The following DNAH12 variants were observed in gnomAD, a reference collection of about 807,000 sequenced individuals.
DNAH12 encodes the protein dynein axonemal heavy chain 12.
Under a neutral mutation model 371.5 loss-of-function variants are expected in DNAH12, and 285 were observed. The ratio of observed to expected loss-of-function variants is 0.77; its 90% confidence interval spans 0.70 to 0.85. The LOEUF is 0.85. DNAH12 is among the 40% of genes least tolerant of loss of function. The pLI, the probability that DNAH12 is intolerant of heterozygous loss-of-function variation, is 0.00. For synonymous variants in DNAH12, 1,200 were observed against 1,213.0 expected (o/e 0.99, Z 0.22); for missense variants, 3,611 against 3,689.4 (o/e 0.98, Z 0.55).
intron 63 of DNAH12, 93 bp downstream of exon 63, chr3:57,323,376 A>G: frequency 6.1e-6 from 9 of 1,470,460 alleles, no homozygotes; most frequent in South Asian, 1.5e-5. Flanking sequence ...TAAATATCAG[A>G]TTTACTAACT....
Position 57,384,896 on chromosome 3 carries a change from C to T in DNAH12, c.7793G>A (p.Cys2598Tyr), listed in dbSNP as rs2153344918. ...AATCGCCTCAGCTAGGTCACTTTCA[C>T]ACTCATTTTTCAGAGCTTGGGCTTC... ...AEEAQALKNE[C>Y]ESDLAEAIPA... Residue 2598 changes from cysteine to tyrosine, a missense_variant, in exon 49 of 74, where the codon TGT becomes TAT. Cys to Tyr is a radical substitution (Grantham distance 194). Coordinates refer to ENST00000495027, the MANE Select transcript of DNAH12 (RefSeq NM_001366028.2). 2 of 152,328 alleles carry T rather than the reference C, an allele frequency of 1.3e-5. No individual in the cohort carries two copies. Among genetic ancestry groups the T allele is most frequent in the Non-Finnish European group, 2.9e-5 (2 of 68,042 alleles). 9.4% of individuals were successfully genotyped at this position (152,328 alleles called of 1,614,324 possible).
chr3:57,496,450 T>C (rs1393054308), intron 11 of DNAH12, among the ~76,000 whole-genome samples: 2 of 151,852 alleles, frequency 1.3e-5, no homozygotes, highest in East Asian at 1.9e-4. Flanking sequence ...TGCCAAAAAA[T>C]ACTTGACAAA....
At chr3:57,450,527 A>G (rs1208210224) in intron 25 of DNAH12, among the ~76,000 whole-genome samples, 1 of 152,212 alleles carries the variant, frequency 6.6e-6, no homozygotes, top group Non-Finnish European at 1.5e-5. Context: ...TAGCCTGGGC[A>G]ACAAGAGCGA....
intron 38 of DNAH12, among the ~76,000 whole-genome samples, chr3:57,414,377 A>T (rs1167736552): frequency 6.6e-6 from 1 of 152,048 alleles, no homozygotes; most frequent in Non-Finnish European, 1.5e-5. Context: ...TTTTTTCTTC[A>T]CTGAATAATT....
At chr3:57,415,206 TA>T (rs879508073) in intron 38 of DNAH12, among the ~76,000 whole-genome samples, 3 of 150,380 alleles carry the variant, frequency 2.0e-5, no homozygotes, top group African/African-American at 4.9e-5. Context: ...TTCTCAGGCT[TA>T]AAAAAAAAAC....
intron 25 of DNAH12, among the ~76,000 whole-genome samples, chr3:57,448,769 T>A (rs188002263): frequency 1.0e-3 from 159 of 152,116 alleles, no homozygotes; most frequent in Non-Finnish European, 2.8e-4. Context: ...CACGTCCCCA[T>A]CAGATTAGTT....
chr3:57,475,620 A>C (rs1236807722), intron 13 of DNAH12, among the ~76,000 whole-genome samples: 3 of 152,204 alleles, frequency 2.0e-5, no homozygotes, highest in African/African-American at 4.8e-5. Flanking sequence ...TAACCCAAAA[A>C]AATAAATGAG....
In DNAH12 at chr3:57,452,912, A is replaced by G. The variant is rs1249266989; in HGVS notation, c.3717T>C (p.Ala1239=). The change falls in exon 25 of 74, where the codon GCT becomes GCC. Residue 1239 remains alanine, a synonymous_variant. Transcript: ENST00000495027. ...VRIINCNVKY[A]YEYLGNSPRL... is the part of the protein sequence containing the mutation. ...GAGGTGAGTTACCAAGATATTCATA[A>G]GCATATTTTACATTGCAATTAATGA... 6.4e-7 allele frequency: 1 copy of G among 1,551,456 alleles called. No homozygotes were observed. Among genetic ancestry groups the G allele is most frequent in the Admixed American group, 2.0e-5 (1 of 50,948 alleles).
intron 69 of DNAH12, among the ~76,000 whole-genome samples, chr3:57,303,406 T>C (rs962733509): frequency 2.7e-5 from 4 of 150,310 alleles, no homozygotes; most frequent in Middle Eastern, 3.4e-3. Context: ...TTTCTTTCTT[T>C]TCTTTTTCTT....
upstream of DNAH12, among the ~76,000 whole-genome samples, chr3:57,545,338 T>C (rs2069481630): frequency 6.6e-6 from 1 of 151,042 alleles, no homozygotes; most frequent in South Asian, 2.1e-4. Context: ...TTTTTTTTTT[T>C]AGTAGAGACG....
At chr3:57,353,296 T>C (rs1484855742) in intron 59 of DNAH12, among the ~76,000 whole-genome samples, 2 of 151,428 alleles carry the variant, frequency 1.3e-5, no homozygotes, top group South Asian at 2.1e-4. Flanking sequence ...TTTGGCACTT[T>C]ATTTTTTTTT....
At chr3:57,487,714 T>C (rs1427140998) in intron 12 of DNAH12, among the ~76,000 whole-genome samples, 1 of 152,118 alleles carries the variant, frequency 6.6e-6, no homozygotes, top group Non-Finnish European at 1.5e-5. Context: ...AAGAATAAAC[T>C]AGGTGAAGGA....
chr3:57,494,455 G>A (rs2153386986), intron 11 of DNAH12, among the ~76,000 whole-genome samples: 1 of 152,120 alleles, frequency 6.6e-6, no homozygotes, highest in Middle Eastern at 3.4e-3. Context: ...CCAGGTAATT[G>A]GGAGGCTAAG....
rs1336857546 is a variant in DNAH12 at position 57,508,497 on chromosome 3, C to A, written c.586G>T (p.Ala196Ser). 6.2e-7 allele frequency: 1 copy of A among 1,612,554 alleles called. No individual in the cohort carries two copies. The highest frequency in any genetic ancestry group is 8.5e-7 in the Non-Finnish European group (1 of 1,179,638). The stretch of plus-strand genomic sequence containing the variant: ...AAATTAGAGAATATTTGATTTCTTG[C>A]CTGCACATAGCTAGAATGCCAAGGA... Reference protein sequence around the residue: ...SNPWHSSYVQARNQIFSNLHI... With the variant: ...SNPWHSSYVQSRNQIFSNLHI... Residue 196 changes from alanine to serine, a missense_variant, in exon 7 of 74, where the codon GCA becomes TCA. By Grantham distance (99) the Ala-to-Ser change is moderately conservative (BLOSUM62 1). Around this residue, in one of 3 missense-constraint regions of DNAH12, gnomAD observed 1,314 missense variants for 1,398.7 expected, o/e 0.94. Transcript: ENST00000495027.
At chr3:57,333,329 C>CTTTTTTTTTTTTTTTTTTT (rs34135477) in intron 62 of DNAH12, among the ~76,000 whole-genome samples, 26 of 111,070 alleles carry the variant, frequency 2.3e-4, no homozygotes, top group African/African-American at 9.6e-4. Flanking sequence ...TTTAAGGCAA[C>CTTTTTTTTTTTTTTTTTTT]TTTTTTTTTT....
chr3:57,335,982 C>A (rs1036260484), intron 60 of DNAH12, among the ~76,000 whole-genome samples: 1 of 152,090 alleles, frequency 6.6e-6, no homozygotes, highest in Non-Finnish European at 1.5e-5. Context: ...AAACACAAGT[C>A]GTCTTCTTTT....
rs372812855 is a variant in DNAH12 at position 57,444,765 on chromosome 3, T to C, written c.4477A>G (p.Ile1493Val). The C allele has an allele frequency of 1.9e-6, 3 of 1,548,792 alleles. No homozygotes were observed. Among genetic ancestry groups the C allele is most frequent in the Non-Finnish European group, 2.6e-6 (3 of 1,146,112 alleles). ...CTAGTTATTCCATTAAATAAAGGTA[T>C]ATCATGTGATAAAAACTTTGGTTCA... Reference protein sequence around the residue: ...VNEPKFLSHDIPLFNGITSDL... With the variant: ...VNEPKFLSHDVPLFNGITSDL... The change falls in exon 29 of 74, where the codon ATA (isoleucine) becomes GTA (valine). Residue 1493 changes from isoleucine to valine, a missense_variant. This residue lies in a region of DNAH12 where 2,266 missense variants were observed against 2,236.9 expected (regional missense o/e 1.01). Coordinates refer to ENST00000495027, the MANE Select transcript of DNAH12 (RefSeq NM_001366028.2).
At chr3:57,361,444 C>CTATATATA (rs1201361123) in intron 58 of DNAH12, among the ~76,000 whole-genome samples, 8,947 of 116,394 alleles carry the variant, frequency 0.077, 449 homozygotes, top group East Asian at 0.23. Flanking sequence ...CACACACACA[C>CTATATATA]TATATATATA....
chr3:57,312,159 A>T (rs993869280), intron 66 of DNAH12, among the ~76,000 whole-genome samples: 1 of 152,184 alleles, frequency 6.6e-6, no homozygotes, highest in African/African-American at 2.4e-5. Context: ...AATTCTCTAG[A>T]ACCAAGTTGA....
Sources: gnomAD v4.1 joint callset for allele counts (sites outside exome capture counted in the v4.1 genomes callset) on GRCh38, gnomAD v4.1.1 for gene constraint, gnomAD v4.1.1 regional missense constraint, MANE v1.5 for transcripts, NCBI Gene and HGNC (gene_info 2026-07-23, HGNC 2026-07-21) for gene names.